THSD7B: variants seen among roughly 807,000 people sequenced by gnomAD.
The protein encoded by THSD7B is thrombospondin type-1 domain-containing protein 7B.
In THSD7B, 138 loss-of-function variants were observed where a neutral mutation model predicts 213.6. The ratio of observed to expected loss-of-function variants is 0.65; its 90% CI spans 0.56 to 0.74. The LOEUF (loss-of-function observed/expected upper bound fraction) is 0.74, where lower values mean the gene tolerates loss of function less well. THSD7B is among the 30% of genes least tolerant of loss of function. THSD7B has a pLI of 0.00. For missense variants in THSD7B, 1,931 were observed against 1,991.5 expected (o/e 0.97, Z 0.58); for synonymous variants, 742 against 687.0 (o/e 1.08, Z -1.25).
intron 17 of THSD7B, among the ~76,000 whole-genome samples, chr2:137,612,395 G>T (rs1682305856): frequency 6.6e-6 from 1 of 152,096 alleles, no homozygotes; most frequent in Admixed American, 6.6e-5. Context: ...CCCTATTCCA[G>T]CTCTCTGGAG....
chr2:136,915,739 G>C (rs1573708298), intron 2 of THSD7B, among the ~76,000 whole-genome samples: 1 of 152,168 alleles, frequency 6.6e-6, no homozygotes, highest in Non-Finnish European at 1.5e-5. Context: ...AGGTGCCAAG[G>C]TTCAAACCCA....
At chr2:136,967,702 C>G (rs1219907380) in intron 2 of THSD7B, among the ~76,000 whole-genome samples, 1 of 152,188 alleles carries the variant, frequency 6.6e-6, no homozygotes, top group East Asian at 1.9e-4. Flanking sequence ...ATTGCCTGTA[C>G]TCCCAATGTG....
intron 2 of THSD7B, among the ~76,000 whole-genome samples, chr2:136,932,538 T>G (rs1308231073): frequency 6.6e-6 from 1 of 152,224 alleles, no homozygotes; most frequent in Non-Finnish European, 1.5e-5. Context: ...TTAACCTATT[T>G]TGTATATTAT....
At chr2:137,037,788 TA>T (rs953244000) in intron 2 of THSD7B, among the ~76,000 whole-genome samples, 1 of 152,188 alleles carries the variant, frequency 6.6e-6, no homozygotes, top group African/African-American at 2.4e-5. Flanking sequence ...TAGTTTATAT[TA>T]GCTGGATGTC....
intron 1 of THSD7B, among the ~76,000 whole-genome samples, chr2:136,845,552 A>C (rs1044819989): frequency 6.6e-6 from 1 of 152,202 alleles, no homozygotes; most frequent in Non-Finnish European, 1.5e-5. Flanking sequence ...AAAACATTTA[A>C]TCATAAGAGC....
chr2:136,842,468 T>C (rs1682935093), intron 1 of THSD7B, among the ~76,000 whole-genome samples: 1 of 152,192 alleles, frequency 6.6e-6, no homozygotes. Context: ...ACAGATATTA[T>C]CTTAGCAAGA....
chr2:137,095,224 T>C, intron 4 of THSD7B, 103 bp downstream of exon 4: 1 of 1,423,426 alleles, frequency 7.0e-7, no homozygotes, highest in Non-Finnish European at 9.5e-7. Flanking sequence ...TTATTGAGTC[T>C]TCACTCAGTA....
Position 137,331,658 on chromosome 2 carries a change from G to C in THSD7B, c.2500+55632G>C, listed in dbSNP as rs182925181. ...TGGGACTGGGCGCTGTGGAGCAGGG[G>C]GCGGTGCTCATCGGGGAGGCTCTGG... On this transcript the variant is annotated intron_variant, in intron 12 of 27. Transcript: ENST00000409968. Among the ~76,000 whole-genome samples, 4 of 152,186 alleles carry C rather than the reference G, an allele frequency of 2.6e-5. No homozygotes were observed. In the East Asian group the frequency reaches 7.7e-4, roughly 29 times the overall value.
At chr2:137,061,398 G>A (rs1212677718) in intron 3 of THSD7B, among the ~76,000 whole-genome samples, 2 of 147,424 alleles carry the variant, frequency 1.4e-5, no homozygotes, top group South Asian at 2.1e-4. Flanking sequence ...CCAGTACAAT[G>A]TTATACAGGA....
chr2:137,312,058 T>A (rs1683927022), intron 12 of THSD7B, among the ~76,000 whole-genome samples: 1 of 150,702 alleles, frequency 6.6e-6, no homozygotes, highest in South Asian at 2.1e-4. Flanking sequence ...TTTCTGTTGA[T>A]TGGAATAGTT....
intron 10 of THSD7B, among the ~76,000 whole-genome samples, chr2:137,268,279 A>C (rs1682647060): frequency 6.6e-6 from 1 of 151,942 alleles, no homozygotes; most frequent in Non-Finnish European, 1.5e-5. Context: ...CATTAGGTAT[A>C]TCTCCTAATG....
Position 136,882,193 on chromosome 2 carries a change from C to A in THSD7B, c.15C>A (p.Ser5Arg). The change falls in exon 2 of 28, where the codon AGC becomes AGA. Residue 5 changes from serine to arginine, a missense_variant. By Grantham distance (110) the Ser-to-Arg change is moderately radical. Transcript: ENST00000409968. MFPKSNLTVTCWVWR... is the reference protein window; with the variant it reads MFPKRNLTVTCWVWR... ...AAATCTGAAGCATGTTTCCAAAGAGCAACCTAACAGTCACTTGCTGGGTAT... is the reference window on the plus strand; with the variant it reads ...AAATCTGAAGCATGTTTCCAAAGAGAAACCTAACAGTCACTTGCTGGGTAT... The A allele has an allele frequency of 6.6e-7, 1 of 1,516,152 alleles. No individual in the cohort carries two copies. The highest frequency in any genetic ancestry group is 8.8e-7 in the Non-Finnish European group (1 of 1,132,574). 93.9% of individuals were successfully genotyped at this position (1,516,152 alleles called of 1,614,324 possible).
intron 12 of THSD7B, among the ~76,000 whole-genome samples, chr2:137,349,282 T>C (rs924603060): frequency 6.6e-6 from 1 of 151,766 alleles, no homozygotes; most frequent in Admixed American, 6.6e-5. Context: ...TTTAACAGCA[T>C]TTTTATCCAT....
chr2:137,420,264 T>C (rs1184591640), intron 14 of THSD7B, among the ~76,000 whole-genome samples: 2 of 152,182 alleles, frequency 1.3e-5, no homozygotes, highest in Non-Finnish European at 2.9e-5. Context: ...TCTCAATATA[T>C]ACCATTTGCT....
chr2:137,075,128 G>T (rs183275689), intron 3 of THSD7B, among the ~76,000 whole-genome samples: 19 of 152,172 alleles, frequency 1.2e-4, no homozygotes, highest in Admixed American at 1.2e-3. Context: ...TTTGAATGTT[G>T]GCCTGCTGTG....
intron 15 of THSD7B, among the ~76,000 whole-genome samples, chr2:137,516,152 G>T (rs1408189313): frequency 6.6e-6 from 1 of 152,222 alleles, no homozygotes; most frequent in African/African-American, 2.4e-5. Flanking sequence ...AGTTAGAATA[G>T]TCTGACTTGT....
At chr2:136,800,772 C>CAGAGAG (rs146528799) in intron 1 of THSD7B, among the ~76,000 whole-genome samples, 201 of 146,856 alleles carry the variant, frequency 1.4e-3, no homozygotes, top group African/African-American at 4.5e-3. Context: ...AATGGTAAGG[C>CAGAGAG]AGAGAGAGAG....
At chr2:136,884,323 T>G (rs909270885) in intron 2 of THSD7B, among the ~76,000 whole-genome samples, 4 of 152,126 alleles carry the variant, frequency 2.6e-5, no homozygotes, top group African/African-American at 9.7e-5. Flanking sequence ...AACTTCTGGG[T>G]ATGTAGGGGC....
chr2:137,546,842 G>C (rs138200218), intron 15 of THSD7B, among the ~76,000 whole-genome samples: 1 of 151,760 alleles, frequency 6.6e-6, no homozygotes, highest in Non-Finnish European at 1.5e-5. Flanking sequence ...GTTACAAGTG[G>C]CTTCTACCTT....
Sources: allele counts gnomAD v4.1 joint callset (sites outside exome capture counted in the v4.1 genomes callset), GRCh38; gene constraint gnomAD v4.1.1; transcripts MANE v1.5; gene names NCBI Gene and HGNC (gene_info 2026-07-23, HGNC 2026-07-21).